Variants in TCF4 observed in about 807,000 individuals in gnomAD.
The protein encoded by TCF4 is SL3-3 enhancer factor 2.
Under a neutral mutation model 82.1 loss-of-function variants are expected in TCF4, and 3 were observed. The observed-to-expected ratio is 0.04, with a 90% CI of 0.02 to 0.09. The LOEUF is 0.09. TCF4 is among the 10% of genes least tolerant of loss of function. The probability of loss-of-function intolerance (pLI) is 1.00; values close to 1 mark genes in which losing one functional copy is unlikely to be tolerated. For missense variants in TCF4, 518 were observed against 852.7 expected (o/e 0.61, Z 4.89); for synonymous variants, 276 against 309.6 (o/e 0.89, Z 1.14).
intron 5 of TCF4, 87 bp from the exon 6 acceptor site, chr18:55,403,605 C>T (rs1360481048): frequency 6.2e-7 from 1 of 1,612,598 alleles, no homozygotes; most frequent in Non-Finnish European, 8.5e-7. Context: ...ACTGCTCTTC[C>T]CCGATGTTTA....
intron 8 of TCF4, among the ~76,000 whole-genome samples, chr18:55,323,825 T>A (rs2076116010): frequency 6.6e-6 from 1 of 152,214 alleles, no homozygotes; most frequent in Non-Finnish European, 1.5e-5. Context: ...CTTCCCTTAT[T>A]GAGAAGGCTT....
In TCF4 at chr18:55,450,542, A is replaced by G. The variant is rs1427599041; in HGVS notation, c.304+10477T>C. On this transcript the variant is annotated intron_variant, in intron 5 of 19. Coordinates refer to ENST00000354452, the MANE Select transcript of TCF4 (RefSeq NM_001083962.2). Reference sequence around the variant, plus strand: ...CTGAACACCTCCTTTTACTCAAAACAAAACATGTTTCCTTCGGATTCAAAA... The same window carrying G: ...CTGAACACCTCCTTTTACTCAAAACGAAACATGTTTCCTTCGGATTCAAAA... Among the ~76,000 whole-genome samples, 5 of 152,250 alleles carry G rather than the reference A, an allele frequency of 3.3e-5. No homozygotes were observed. The East Asian group carries it at 9.6e-4, about 29-fold the overall frequency.
chr18:55,271,666 C>A (rs1248881259), intron 10 of TCF4, among the ~76,000 whole-genome samples: 1 of 152,034 alleles, frequency 6.6e-6, no homozygotes, highest in East Asian at 1.9e-4. Flanking sequence ...CTTTCCTTGA[C>A]CCCAAAATTC....
At chr18:55,321,640 A>C in intron 8 of TCF4, 1 of 1,536,138 alleles carries the variant, frequency 6.5e-7, no homozygotes, top group East Asian at 2.4e-5. Flanking sequence ...AACTTGTCAA[A>C]AATCCCCCTC....
At chr18:55,347,384 G>C (rs557381212) in intron 8 of TCF4, among the ~76,000 whole-genome samples, 1 of 152,182 alleles carries the variant, frequency 6.6e-6, no homozygotes, top group African/African-American at 2.4e-5. Context: ...ATGTGCACTA[G>C]AGGGACAGGC....
chr18:55,536,572 A>C (rs768558691), intron 3 of TCF4, among the ~76,000 whole-genome samples: 1 of 152,268 alleles, frequency 6.6e-6, no homozygotes, highest in Non-Finnish European at 1.5e-5. Flanking sequence ...GAAGATAAAA[A>C]ATGTATAGTT....
chr18:55,237,615 G>A (rs986936502), intron 15 of TCF4, among the ~76,000 whole-genome samples: 22 of 85,080 alleles, frequency 2.6e-4, no homozygotes, highest in African/African-American at 9.8e-4. Context: ...AATTACAGGC[G>A]CCCACCACCA....
At chr18:55,558,041 C>A (rs2097319901) in intron 3 of TCF4, among the ~76,000 whole-genome samples, 1 of 151,854 alleles carries the variant, frequency 6.6e-6, no homozygotes, top group African/African-American at 2.4e-5. Flanking sequence ...TCAATTTCTA[C>A]AAAAAGTTTA....
At chr18:55,612,286 G>C (rs951215742) in intron 2 of TCF4, among the ~76,000 whole-genome samples, 1 of 152,120 alleles carries the variant, frequency 6.6e-6, no homozygotes, top group African/African-American at 2.4e-5. Flanking sequence ...AGTGAGAGTT[G>C]CTTCGGGATA....
intron 8 of TCF4, among the ~76,000 whole-genome samples, chr18:55,315,597 C>T (rs2073931721): frequency 6.6e-6 from 1 of 152,046 alleles, no homozygotes; most frequent in Non-Finnish European, 1.5e-5. Context: ...AGCTCAAAAC[C>T]AGTAAATTTC....
At chr18:55,321,969 G>A (rs1405247258) in intron 8 of TCF4, 1 of 1,314,410 alleles carries the variant, frequency 7.6e-7, no homozygotes, top group Non-Finnish European at 9.7e-7. Context: ...CGGCCCTGAT[G>A]GAGCTCGAAA....
At chr18:55,598,145 C>A (rs1186131495) in intron 2 of TCF4, among the ~76,000 whole-genome samples, 1 of 152,166 alleles carries the variant, frequency 6.6e-6, no homozygotes, top group Non-Finnish European at 1.5e-5. Flanking sequence ...TCATTGCTAT[C>A]AGCTGGAGAG....
chr18:55,546,501 A>T (rs1197064069), intron 3 of TCF4, among the ~76,000 whole-genome samples: 1 of 152,372 alleles, frequency 6.6e-6, no homozygotes, highest in East Asian at 1.9e-4. Flanking sequence ...GTTTCCAAAA[A>T]TATCTTCATT....
chr18:55,600,704 C>G (rs76551977), intron 2 of TCF4, among the ~76,000 whole-genome samples: 4,582 of 152,232 alleles, frequency 0.03, 250 homozygotes, highest in African/African-American at 0.1. Flanking sequence ...GGTGGCATTC[C>G]TCTTTGGGAC....
chr18:55,288,499 T>C (rs1488812369), intron 8 of TCF4, among the ~76,000 whole-genome samples: 3 of 152,172 alleles, frequency 2.0e-5, no homozygotes, highest in Non-Finnish European at 4.4e-5. Flanking sequence ...GTTTTGGAGT[T>C]TGAGTTTTTA....
At chr18:55,429,291 T>C (rs2095101512) in intron 5 of TCF4, among the ~76,000 whole-genome samples, 1 of 152,208 alleles carries the variant, frequency 6.6e-6, no homozygotes, top group Admixed American at 6.5e-5. Context: ...TATTCTCCTT[T>C]GTGGGTCCCC....
At chr18:55,474,748 T>C (rs1206075306) in intron 3 of TCF4, among the ~76,000 whole-genome samples, 1 of 149,000 alleles carries the variant, frequency 6.7e-6, no homozygotes, top group Non-Finnish European at 1.5e-5. Context: ...CATTTTTATT[T>C]TTTTTAAGTT....
At chr18:55,544,664 T>G (rs1312941776) in intron 3 of TCF4, among the ~76,000 whole-genome samples, 1 of 152,164 alleles carries the variant, frequency 6.6e-6, no homozygotes, top group Non-Finnish European at 1.5e-5. Flanking sequence ...GACAAAACTC[T>G]GTAAGAATAA....
rs55781162 is a variant in TCF4 at position 55,338,178 on chromosome 18, G to A, written c.549+12181C>T. Among the ~76,000 whole-genome samples the A allele has an allele frequency of 3.8e-3, 575 of 152,180 alleles. 3 individuals are homozygous for A. Among genetic ancestry groups the A allele is most frequent in the Non-Finnish European group, 6.9e-3 (468 of 68,002 alleles). On this transcript the variant is annotated intron_variant, in intron 8 of 19. Coordinates refer to ENST00000354452, the MANE Select transcript of TCF4 (RefSeq NM_001083962.2). The stretch of plus-strand genomic sequence containing the variant: ...AGCTTGCCCATTTCATTTCGACCAC[G>A]GCAGCCAAAAAAAGCACTGCCCCAC...
Sources: allele counts gnomAD v4.1 joint callset (sites outside exome capture counted in the v4.1 genomes callset), GRCh38; gene constraint gnomAD v4.1.1; transcripts MANE v1.5; gene names NCBI Gene and HGNC (gene_info 2026-07-23, HGNC 2026-07-21).